The following CCDC171 variants were observed in gnomAD, a reference collection of about 807,000 sequenced individuals.
CCDC171 encodes the protein coiled-coil domain-containing protein 171.
In CCDC171, 177 loss-of-function variants were observed where a neutral mutation model predicts 168.2. The ratio of observed to expected loss-of-function variants is 1.05; its 90% CI spans 0.93 to 1.19. CCDC171 has a LOEUF of 1.19. Ranked by LOEUF, CCDC171 falls within the 50% of genes most tolerant of loss-of-function variation. The pLI is 0.00. For synonymous variants in CCDC171, 687 were observed against 540.8 expected (o/e 1.27, Z -3.75); for missense variants, 1,991 against 1,539.0 (o/e 1.29, Z -4.91).
At chr9:15,784,488 C>T (rs1564400267) in intron 20 of CCDC171, 21 bp from the exon 21 acceptor site, 2 of 1,551,872 alleles carry the variant, frequency 1.3e-6, no homozygotes, top group African/African-American at 1.4e-5. Context: ...AACTGATTCT[C>T]CCCTCTCCTC....
At chr9:15,581,567 T>C (rs1389265637) in intron 4 of CCDC171, among the ~76,000 whole-genome samples, 2 of 152,198 alleles carry the variant, frequency 1.3e-5, no homozygotes, top group African/African-American at 4.8e-5. Flanking sequence ...AACATGGTAC[T>C]GATACCAAAA....
At chr9:15,562,093 C>G (rs969314517) in intron 1 of CCDC171, among the ~76,000 whole-genome samples, 7 of 152,060 alleles carry the variant, frequency 4.6e-5, no homozygotes, top group Non-Finnish European at 7.4e-5. Flanking sequence ...CTCCTGGGTT[C>G]AAGCGATTCT....
chr9:15,656,036 A>G (rs903997430), intron 7 of CCDC171, among the ~76,000 whole-genome samples: 1 of 152,134 alleles, frequency 6.6e-6, no homozygotes, highest in African/African-American at 2.4e-5. Context: ...AATATTCAAT[A>G]TGGCTGGGTG....
intron 7 of CCDC171, among the ~76,000 whole-genome samples, chr9:15,655,494 A>G (rs1218038560): frequency 1.3e-5 from 2 of 152,210 alleles, no homozygotes; most frequent in African/African-American, 2.4e-5. Flanking sequence ...ATTGTATTCA[A>G]AAATAAAGAT....
At chr9:15,852,529 T>A (rs2061174715) in intron 23 of CCDC171, among the ~76,000 whole-genome samples, 1 of 151,680 alleles carries the variant, frequency 6.6e-6, no homozygotes, top group Non-Finnish European at 1.5e-5. Context: ...ATCCTGTAGG[T>A]TGTCTTTTTA....
At chr9:15,733,783 C>G (rs984810402) in intron 16 of CCDC171, among the ~76,000 whole-genome samples, 1 of 151,878 alleles carries the variant, frequency 6.6e-6, no homozygotes, top group African/African-American at 2.4e-5. Flanking sequence ...ACTTTTTTCT[C>G]TTTTTGAGAC....
intron 7 of CCDC171, among the ~76,000 whole-genome samples, chr9:15,630,352 T>C (rs200568155): frequency 1.3e-4 from 20 of 150,856 alleles, no homozygotes; most frequent in Non-Finnish European, 1.6e-4. Flanking sequence ...AAATGGAAAA[T>C]AAAAAAAGGC....
intron 19 of CCDC171, among the ~76,000 whole-genome samples, chr9:15,778,068 C>A (rs953465153): frequency 6.6e-6 from 1 of 150,800 alleles, no homozygotes; most frequent in Admixed American, 6.6e-5. Flanking sequence ...GAGGCCGAGG[C>A]GGGTGGATCA....
At chr9:16,095,394 C>T in the CCDC171 span, among the ~76,000 whole-genome samples, 4,165 of 152,178 alleles carry the variant, frequency 0.027, 181 homozygotes, top group African/African-American at 0.095. Context: ...GTTCTTTCCC[C>T]TACTCCTATT....
intron 24 of CCDC171, 187 bp downstream of exon 24, chr9:15,874,850 G>C (rs941585176): frequency 4.2e-6 from 2 of 479,240 alleles, no homozygotes; most frequent in Non-Finnish European, 3.3e-6. Flanking sequence ...TTAAAGCCTA[G>C]AACTAGCCTA....
intron 6 of CCDC171, among the ~76,000 whole-genome samples, chr9:16,033,766 A>G (rs1833410502): frequency 6.9e-6 from 1 of 144,870 alleles, no homozygotes. Context: ...ATGCTGTGTT[A>G]CTGTATTAAC....
rs2051125891 is a variant in CCDC171 at position 15,695,236 on chromosome 9, C to T, written c.1217C>T (p.Ala406Val). Reference sequence around the variant, plus strand: ...TGTAATTTTTTTCTTAATTAAAAGGCTAAGAAGCACCAGGCCTTCCTAGTA... The same window carrying T: ...TGTAATTTTTTTCTTAATTAAAAGGTTAAGAAGCACCAGGCCTTCCTAGTA... ...CSELQEELVM[A>V]KKHQAFLVET... is the part of the protein sequence containing the mutation. Residue 406 changes from alanine (A) to valine (V), a missense_variant and splice_region_variant, in exon 11 of 26, where the codon GCT (alanine) becomes GTT (valine). Transcript: ENST00000380701. 6.2e-7 allele frequency: 1 copy of T among 1,612,060 alleles called. No individual in the cohort carries two copies. The highest frequency in any genetic ancestry group is 1.1e-5 in the South Asian group (1 of 91,002).
At chr9:16,021,806 A>G (rs1833172227) in intron 4 of CCDC171, among the ~76,000 whole-genome samples, 1 of 152,214 alleles carries the variant, frequency 6.6e-6, no homozygotes, top group African/African-American at 2.4e-5. Context: ...TCTCTGTACT[A>G]TGTGGCTAGC....
chr9:15,574,627 T>C (rs1013291302), intron 3 of CCDC171, among the ~76,000 whole-genome samples: 4 of 152,210 alleles, frequency 2.6e-5, no homozygotes, highest in Admixed American at 2.6e-4. Context: ...TATTATGTAG[T>C]TAAATTTTTT....
At chr9:15,558,403 A>G (rs1334313865) in intron 1 of CCDC171, among the ~76,000 whole-genome samples, 1 of 152,064 alleles carries the variant, frequency 6.6e-6, no homozygotes, top group African/African-American at 2.4e-5. Flanking sequence ...TATTGCCTCA[A>G]TTTCAGAACC....
intron 16 of CCDC171, among the ~76,000 whole-genome samples, chr9:15,740,834 C>G (rs2054827807): frequency 6.6e-6 from 1 of 152,132 alleles, no homozygotes. Context: ...TTGCCTAGCT[C>G]CAGAAAACAA....
intron 9 of CCDC171, among the ~76,000 whole-genome samples, chr9:15,673,146 GCTGT>G (rs1475664239): frequency 4.0e-5 from 6 of 151,306 alleles, no homozygotes; most frequent in South Asian, 2.1e-4. Flanking sequence ...TCATGAATTG[GCTGT>G]CTGTCTGTTA....
chr9:15,680,055 A>G (rs1471618427), intron 10 of CCDC171, among the ~76,000 whole-genome samples: 1 of 152,082 alleles, frequency 6.6e-6, no homozygotes, highest in Non-Finnish European at 1.5e-5. Context: ...TGCCTCCTCA[A>G]CAGTATTTCT....
At chr9:15,759,693 A>G (rs1421884739) in intron 18 of CCDC171, among the ~76,000 whole-genome samples, 1 of 152,160 alleles carries the variant, frequency 6.6e-6, no homozygotes, top group Non-Finnish European at 1.5e-5. Flanking sequence ...CAGCTTGTGC[A>G]TCTTTTGCAA....
Sources: allele counts gnomAD v4.1 joint callset (sites outside exome capture counted in the v4.1 genomes callset), GRCh38; gene constraint gnomAD v4.1.1; transcripts MANE v1.5; gene names NCBI Gene and HGNC (gene_info 2026-07-23, HGNC 2026-07-21).